The following AIDA variants were observed in gnomAD, a reference collection of about 807,000 sequenced individuals.
The protein encoded by AIDA is axin interactor, dorsalization-associated protein.
In AIDA, 18 loss-of-function variants were observed where a neutral mutation model predicts 42.7. That is an observed-to-expected ratio of 0.42 (90% confidence interval 0.29 to 0.63). AIDA has a LOEUF of 0.63. Among genes scored for constraint, AIDA ranks in the 20% least tolerant of loss-of-function variants. The pLI, the probability that AIDA is intolerant of heterozygous loss-of-function variation, is 0.19. For missense variants in AIDA, 250 were observed against 354.1 expected, an observed-to-expected ratio of 0.71 and a Z score of 2.36; for synonymous variants, 104 against 122.9, an observed-to-expected ratio of 0.85 and a Z score of 1.02.
intron 2 of AIDA, among the ~76,000 whole-genome samples, chr1:222,695,872 C>T (rs551660960): frequency 5.4e-4 from 82 of 152,108 alleles, no homozygotes; most frequent in Non-Finnish European, 1.1e-3. Context: ...AAATTGGACT[C>T]GGTGGTTTTC....
chr1:222,689,580 TAC>T (rs528891739), intron 4 of AIDA, among the ~76,000 whole-genome samples: 9,084 of 132,748 alleles, frequency 0.068, 442 homozygotes, highest in East Asian at 0.14. Flanking sequence ...TATATATATA[TAC>T]ACACACACAC....
chr1:222,703,873 T>C (rs960905657), intron 1 of AIDA, among the ~76,000 whole-genome samples: 1 of 152,180 alleles, frequency 6.6e-6, no homozygotes, highest in African/African-American at 2.4e-5. Flanking sequence ...CCCAAAGTTA[T>C]TTCTGAGACA....
intron 9 of AIDA, 48 bp downstream of exon 9, chr1:222,670,085 T>C (rs199758943): frequency 3.7e-6 from 6 of 1,606,418 alleles, no homozygotes; most frequent in Middle Eastern, 3.3e-4. Context: ...AAGAAAGATA[T>C]ACTAGTCACC....
chr1:222,683,556 T>A (rs759096596), intron 6 of AIDA, among the ~76,000 whole-genome samples: 7 of 152,210 alleles, frequency 4.6e-5, no homozygotes, highest in Non-Finnish European at 1.0e-4. Flanking sequence ...CCAGTACCTA[T>A]GTATAATAAT....
chr1:222,693,662 A>C (rs773358824), intron 4 of AIDA, 127 bp downstream of exon 4: 8 of 742,800 alleles, frequency 1.1e-5, no homozygotes, highest in Non-Finnish European at 1.7e-5. Context: ...AAAGCACCCA[A>C]AAAATCACAT....
chr1:222,695,323 C>T (rs1303092711), intron 2 of AIDA, among the ~76,000 whole-genome samples: 1 of 152,172 alleles, frequency 6.6e-6, no homozygotes, highest in Non-Finnish European at 1.5e-5. Context: ...GAAACTCTGT[C>T]TCTACTAAAA....
At chr1:222,702,004 G>A (rs915120729) in intron 2 of AIDA, among the ~76,000 whole-genome samples, 7 of 149,290 alleles carry the variant, frequency 4.7e-5, no homozygotes, top group Admixed American at 2.0e-4. Context: ...GATTACAGGC[G>A]TAAGCTACCA....
chr1:222,708,208 G>A (rs1269338401), intron 1 of AIDA, among the ~76,000 whole-genome samples: 1 of 151,802 alleles, frequency 6.6e-6, no homozygotes, highest in Non-Finnish European at 1.5e-5. Context: ...CTACTCAGGA[G>A]GCTGAGGCAG....
chr1:222,706,102 A>G (rs774633939), intron 1 of AIDA, among the ~76,000 whole-genome samples: 4 of 152,218 alleles, frequency 2.6e-5, no homozygotes, highest in Non-Finnish European at 5.9e-5. Flanking sequence ...CACTAAAGAA[A>G]TGCAGATTAA....
chr1:222,711,164 C>T (rs1410186585), intron 1 of AIDA, among the ~76,000 whole-genome samples: 1 of 152,076 alleles, frequency 6.6e-6, no homozygotes, highest in Non-Finnish European at 1.5e-5. Context: ...CAAACAATAA[C>T]TTGCTTTAAA....
chr1:222,690,488 C>T (rs1655341524), intron 4 of AIDA, among the ~76,000 whole-genome samples: 1 of 152,086 alleles, frequency 6.6e-6, no homozygotes, highest in African/African-American at 2.4e-5. Flanking sequence ...AACTGGAAGA[C>T]CTAAAAGGCT....
intron 6 of AIDA, among the ~76,000 whole-genome samples, chr1:222,685,004 C>A (rs1664717583): frequency 6.6e-6 from 1 of 152,146 alleles, no homozygotes; most frequent in Admixed American, 6.5e-5. Context: ...AAATATCTCA[C>A]CATCTTGGCA....
intron 6 of AIDA, among the ~76,000 whole-genome samples, chr1:222,683,847 C>A (rs558199428): frequency 6.6e-6 from 1 of 152,044 alleles, no homozygotes; most frequent in African/African-American, 2.4e-5. Flanking sequence ...ATATGTTTGT[C>A]TTAAAAAATT....
At chr1:222,686,485 T>C (rs1334003563) in intron 6 of AIDA, among the ~76,000 whole-genome samples, 6 of 152,192 alleles carry the variant, frequency 3.9e-5, no homozygotes, top group African/African-American at 1.4e-4. Context: ...GCTTCTCTAG[T>C]AGACAACATT....
intron 1 of AIDA, among the ~76,000 whole-genome samples, chr1:222,707,227 G>A (rs1655862686): frequency 6.6e-6 from 1 of 151,872 alleles, no homozygotes; most frequent in Non-Finnish European, 1.5e-5. Context: ...GCATGATCTT[G>A]GCTCACTGCA....
intron 6 of AIDA, among the ~76,000 whole-genome samples, chr1:222,677,632 A>C (rs1664575377): frequency 6.6e-6 from 1 of 152,166 alleles, no homozygotes; most frequent in East Asian, 1.9e-4. Flanking sequence ...AAGAAATTAG[A>C]ATGTAATTGA....
intron 6 of AIDA, among the ~76,000 whole-genome samples, chr1:222,680,411 T>C (rs1664632829): frequency 6.6e-6 from 1 of 152,128 alleles, no homozygotes; most frequent in Non-Finnish European, 1.5e-5. Flanking sequence ...CTGGAGGAAA[T>C]TTTTCAATTC....
intron 8 of AIDA, among the ~76,000 whole-genome samples, chr1:222,672,434 A>G (rs572130320): frequency 1.2e-4 from 19 of 152,240 alleles, no homozygotes; most frequent in African/African-American, 3.9e-4. Flanking sequence ...TAACACAGTG[A>G]CTCTGGAGCT....
At chr1:222,690,947 TG>T (rs1655353571) in intron 4 of AIDA, among the ~76,000 whole-genome samples, 2 of 152,182 alleles carry the variant, frequency 1.3e-5, no homozygotes, top group South Asian at 4.1e-4. Flanking sequence ...AGAGAGTCTT[TG>T]CCCTCATATA....
Sources: allele counts gnomAD v4.1 joint callset (sites outside exome capture counted in the v4.1 genomes callset), GRCh38; gene constraint gnomAD v4.1.1; transcripts MANE v1.5; gene names NCBI Gene and HGNC (gene_info 2026-07-23, HGNC 2026-07-21).